IFT56: variants seen among roughly 807,000 people sequenced by gnomAD.
IFT56 encodes intraflagellar transport 56, also known as intraflagellar transport protein 56.
chr7:139,160,766 T>C, the IFT56 span, among the ~76,000 whole-genome samples: 3 of 152,316 alleles, frequency 2.0e-5, no homozygotes, highest in South Asian at 6.2e-4. Context: ...AGCCTCATTG[T>C]TTTCATTTAT....
chr7:139,178,492 C>A, the IFT56 span: 2 of 1,595,308 alleles, frequency 1.3e-6, no homozygotes, highest in South Asian at 1.1e-5. Context: ...CTCAGTGTGA[C>A]CTGTTCTTGG....
the IFT56 span, among the ~76,000 whole-genome samples, chr7:139,186,214 G>A: frequency 6.6e-6 from 1 of 152,058 alleles, no homozygotes; most frequent in Non-Finnish European, 1.5e-5. Context: ...GATCACTTGA[G>A]GCCAGGAGTT....
chr7:139,167,124 C>T, the IFT56 span, among the ~76,000 whole-genome samples: 1 of 151,894 alleles, frequency 6.6e-6, no homozygotes, highest in Non-Finnish European at 1.5e-5. Context: ...GTCATTTTGT[C>T]AAAAAGGGTA....
chr7:139,163,963 A>G, the IFT56 span, among the ~76,000 whole-genome samples: 1 of 152,244 alleles, frequency 6.6e-6, no homozygotes, highest in African/African-American at 2.4e-5. Flanking sequence ...TCCAGACACT[A>G]TGCTAGGCTC....
chr7:139,179,815 T>C, the IFT56 span, among the ~76,000 whole-genome samples: 2 of 152,222 alleles, frequency 1.3e-5, no homozygotes, highest in African/African-American at 4.8e-5. Context: ...AGAGTTGCCA[T>C]GTAAATGTGT....
chr7:139,165,374 T>C, the IFT56 span: 1 of 598,112 alleles, frequency 1.7e-6, no homozygotes, highest in Non-Finnish European at 2.9e-6. Flanking sequence ...ACAAGTTTAT[T>C]GGTGGTTATT....
the IFT56 span, among the ~76,000 whole-genome samples, chr7:139,185,387 G>T: frequency 6.6e-6 from 1 of 151,766 alleles, no homozygotes; most frequent in Non-Finnish European, 1.5e-5. Context: ...TAGGTGAAAG[G>T]TACACATGAC....
At chr7:139,136,519 G>T in the IFT56 span, among the ~76,000 whole-genome samples, 1 of 152,074 alleles carries the variant, frequency 6.6e-6, no homozygotes. Flanking sequence ...GCGTGATGGT[G>T]GCTCACTGCA....
At chr7:139,134,212 C>T in the IFT56 span, among the ~76,000 whole-genome samples, 1 of 151,944 alleles carries the variant, frequency 6.6e-6, no homozygotes, top group Non-Finnish European at 1.5e-5. Context: ...AGTAGAATAC[C>T]TGTTACAAAA....
At chr7:139,153,481 A>G in the IFT56 span, among the ~76,000 whole-genome samples, 3 of 151,744 alleles carry the variant, frequency 2.0e-5, no homozygotes, top group African/African-American at 7.3e-5. Flanking sequence ...TCAGCTATCA[A>G]CCCCTATTGC....
chr7:139,172,246 A>T, the IFT56 span, among the ~76,000 whole-genome samples: 1 of 152,186 alleles, frequency 6.6e-6, no homozygotes, highest in Non-Finnish European at 1.5e-5. Context: ...CGAACATTTC[A>T]CTGTGGACCC....
chr7:139,165,537 T>C, the IFT56 span, among the ~76,000 whole-genome samples: 1 of 152,340 alleles, frequency 6.6e-6, no homozygotes, highest in Non-Finnish European at 1.5e-5. Context: ...TACAGTTCTT[T>C]TTTCTTTTTC....
At chr7:139,135,615 C>A in the IFT56 span, among the ~76,000 whole-genome samples, 1 of 152,174 alleles carries the variant, frequency 6.6e-6, no homozygotes, top group Admixed American at 6.5e-5. Flanking sequence ...TGGGCTCCTG[C>A]TGTAAGTCTG....
At chr7:139,178,138 T>C in the IFT56 span, 1 of 1,039,382 alleles carries the variant, frequency 9.6e-7, no homozygotes, top group Non-Finnish European at 1.5e-6. Flanking sequence ...TTTAAATTAT[T>C]AAATAACTCA....
chr7:139,141,417 C>G, the IFT56 span, among the ~76,000 whole-genome samples: 2 of 152,144 alleles, frequency 1.3e-5, no homozygotes, highest in African/African-American at 4.8e-5. Flanking sequence ...CCACGCCCAC[C>G]ACCATGCCCA....
the IFT56 span, among the ~76,000 whole-genome samples, chr7:139,170,969 A>C: frequency 3.3e-5 from 5 of 152,230 alleles, no homozygotes; most frequent in Non-Finnish European, 7.3e-5. Context: ...TCCACCAAAA[A>C]ACTATTAGAA....
the IFT56 span, among the ~76,000 whole-genome samples, chr7:139,164,311 C>T: frequency 6.6e-6 from 1 of 152,106 alleles, no homozygotes; most frequent in African/African-American, 2.4e-5. Flanking sequence ...TTACTAATGC[C>T]ATTTAGAGAT....
chr7:139,186,153 C>T, the IFT56 span, among the ~76,000 whole-genome samples: 1 of 152,126 alleles, frequency 6.6e-6, no homozygotes, highest in Non-Finnish European at 1.5e-5. Context: ...TCTGGCCAGG[C>T]GCGGTGGCTC....
the IFT56 span, among the ~76,000 whole-genome samples, chr7:139,171,549 T>A: frequency 0.26 from 39,411 of 152,026 alleles, 9,395 homozygotes; most frequent in African/African-American, 0.61. Flanking sequence ...ATGTCTACAG[T>A]GAACTCATTT....
Sources: gnomAD v4.1 joint callset for allele counts (sites outside exome capture counted in the v4.1 genomes callset) on GRCh38, gnomAD v4.1.1 for gene constraint, MANE v1.5 for transcripts, NCBI Gene and HGNC (gene_info 2026-07-23, HGNC 2026-07-21) for gene names.